PREX2: variants seen among roughly 807,000 people sequenced by gnomAD.
The protein encoded by PREX2 is phosphatidylinositol-3,4,5-trisphosphate dependent Rac exchange factor 2.
Under a neutral mutation model 203.2 loss-of-function variants are expected in PREX2, and 107 were observed. That is an observed-to-expected ratio of 0.53 (90% CI 0.45 to 0.62). The LOEUF (loss-of-function observed/expected upper bound fraction) is 0.62. Among genes scored for constraint, PREX2 ranks in the 20% least tolerant of loss-of-function variants. The pLI is 0.00. For synonymous variants in PREX2, 672 were observed against 663.6 expected, an observed-to-expected ratio of 1.01 and a Z score of -0.19; for missense variants, 1,777 against 1,955.9, an observed-to-expected ratio of 0.91 and a Z score of 1.72.
At chr8:68,108,823 A>G (rs1810472564) in intron 24 of PREX2, among the ~76,000 whole-genome samples, 1 of 152,220 alleles carries the variant, frequency 6.6e-6, no homozygotes, top group African/African-American at 2.4e-5. Flanking sequence ...TTAACTGGAT[A>G]AAGAAAATGG....
chr8:68,115,545 T>C (rs1225405350), intron 25 of PREX2, among the ~76,000 whole-genome samples: 2 of 152,232 alleles, frequency 1.3e-5, no homozygotes, highest in African/African-American at 2.4e-5. Flanking sequence ...AGCTTTCTGG[T>C]CTAAATTGTA....
intron 34 of PREX2, among the ~76,000 whole-genome samples, chr8:68,156,388 C>T (rs910486524): frequency 6.6e-6 from 1 of 152,160 alleles, no homozygotes; most frequent in Non-Finnish European, 1.5e-5. Flanking sequence ...ATGCACAGTT[C>T]TGCCTCTCAT....
chr8:68,040,033 G>GA (rs144919819), intron 7 of PREX2, among the ~76,000 whole-genome samples: 3,078 of 152,186 alleles, frequency 0.02, 92 homozygotes, highest in African/African-American at 0.07. Flanking sequence ...TTGTTTGTTT[G>GA]TTTTGTTTTG....
Position 68,134,224 on chromosome 8 carries a change from T to C in PREX2, c.3932T>C (p.Ile1311Thr). 6.2e-7 allele frequency: 1 copy of C among 1,614,146 alleles called. No homozygotes were observed. The highest frequency in any genetic ancestry group is 8.5e-7 in the Non-Finnish European group (1 of 1,179,998). Reference sequence around the variant, plus strand: ...GCCAGCAGGAGGTGGCTGGACCAGATAGCGAATGCAGGTGTTCTTTTTCAC... The same window carrying C: ...GCCAGCAGGAGGTGGCTGGACCAGACAGCGAATGCAGGTGTTCTTTTTCAC... The part of the protein sequence containing the change: ...WEASRRWLDQ[I>T]ANAGVLFHFQ... Residue 1311 changes from isoleucine to threonine, a missense_variant, in exon 32 of 40, where the codon ATA (isoleucine) becomes ACA (threonine). Transcript: ENST00000288368.
rs555477979 is a variant in PREX2, at chr8:68,102,135, T to A, written c.2715+2292T>A. ...ATGTCACCCAATTATGGAAAGCTCT[T>A]TTATGTACATTATTGTTAGTTGAGT... On this transcript the variant is annotated intron_variant, in intron 23 of 39. Transcript: ENST00000288368. Among the ~76,000 whole-genome samples, 6 of 152,230 alleles carry A rather than the reference T, an allele frequency of 3.9e-5. No individual in the cohort carries two copies. The East Asian group carries it at 9.7e-4, about 24-fold the overall frequency.
At chr8:67,958,541 G>A (rs1425436070) in intron 1 of PREX2, among the ~76,000 whole-genome samples, 1 of 152,192 alleles carries the variant, frequency 6.6e-6, no homozygotes, top group Non-Finnish European at 1.5e-5. Context: ...TGACAAGGTT[G>A]AGGAACAAAG....
At chr8:67,989,672 C>T (rs1276509568) in intron 1 of PREX2, among the ~76,000 whole-genome samples, 2 of 152,110 alleles carry the variant, frequency 1.3e-5, no homozygotes, top group South Asian at 2.1e-4. Flanking sequence ...CTCAGTATTA[C>T]GTAAAAATAG....
chr8:68,055,993 G>A lies in PREX2; in HGVS notation c.1238+19G>A. On this transcript the variant is annotated intron_variant, in intron 10 of 39. Transcript: ENST00000288368. ...TTGGAAGGTAGGGTTGGGAGTTTGGGTGCATGACTTTCTTTTACATTCTCA... is the reference window on the plus strand; with the variant it reads ...TTGGAAGGTAGGGTTGGGAGTTTGGATGCATGACTTTCTTTTACATTCTCA... The A allele has an allele frequency of 6.3e-7, 1 of 1,589,614 alleles. No individual in the cohort carries two copies. Among genetic ancestry groups the A allele is most frequent in the South Asian group, 1.2e-5 (1 of 86,576 alleles).
At chr8:68,155,811 C>T (rs554635262) in intron 34 of PREX2, among the ~76,000 whole-genome samples, 51 of 151,806 alleles carry the variant, frequency 3.4e-4, no homozygotes, top group African/African-American at 1.2e-3. Flanking sequence ...TTAAATGATA[C>T]CTCATAAGGG....
intron 9 of PREX2, among the ~76,000 whole-genome samples, 188 bp downstream of exon 9, chr8:68,053,434 C>T (rs73267968): frequency 0.09 from 13,665 of 152,066 alleles, 1,934 homozygotes; most frequent in African/African-American, 0.3. Context: ...TACTATGTGA[C>T]GTGAGCCTCA....
chr8:68,072,498 T>G lies in PREX2; in HGVS notation c.1497T>G (p.Asp499Glu). 6.4e-7 allele frequency: 1 copy of G among 1,565,486 alleles called. No homozygotes were observed. The highest frequency in any genetic ancestry group is 1.1e-5 in the South Asian group (1 of 89,136). Residue 499 changes from aspartate (D) to glutamate (E), a missense_variant, in exon 14 of 40, where the codon GAT becomes GAG. By Grantham distance (45) the Asp-to-Glu change is conservative. Transcript: ENST00000288368. ...LHSLFTPVIR[D>E]KDYHLRTYKS... is the part of the protein sequence containing the mutation. Reference sequence around the variant, plus strand: ...GTTTTTATTTTTTCCTTTATAGAGATAAAGATTACCATTTAAGGACCTACA... The same window carrying G: ...GTTTTTATTTTTTCCTTTATAGAGAGAAAGATTACCATTTAAGGACCTACA...
intron 8 of PREX2, among the ~76,000 whole-genome samples, chr8:68,047,468 T>TA (rs1808386371): frequency 2.9e-5 from 1 of 35,048 alleles, no homozygotes; most frequent in African/African-American, 1.3e-4. Flanking sequence ...AATGGATGAA[T>TA]TTATATATAT....
At chr8:68,093,118 CA>C (rs1179084948) in intron 20 of PREX2, among the ~76,000 whole-genome samples, 2 of 152,062 alleles carry the variant, frequency 1.3e-5, no homozygotes, top group Non-Finnish European at 2.9e-5. Flanking sequence ...AGGCCAGGCG[CA>C]GTAGCTCCTG....
chr8:68,102,698 GC>G (rs1202267049), intron 23 of PREX2: 1 of 358,250 alleles, frequency 2.8e-6, no homozygotes, highest in Non-Finnish European at 5.5e-6. Context: ...TCTCAAAGAT[GC>G]TGGCTTTACC....
At chr8:68,187,357 A>G (rs28547350) in intron 35 of PREX2, among the ~76,000 whole-genome samples, 146 of 152,222 alleles carry the variant, frequency 9.6e-4, no homozygotes, top group Middle Eastern at 3.4e-3. Flanking sequence ...ATTTTAGATT[A>G]CCTCCACGGA....
chr8:67,968,140 C>T (rs34148486), intron 1 of PREX2, among the ~76,000 whole-genome samples: 22,828 of 151,646 alleles, frequency 0.15, 1,817 homozygotes, highest in Middle Eastern at 0.18. Context: ...TCTCTGATTG[C>T]CCTATAGAAA....
intron 1 of PREX2, among the ~76,000 whole-genome samples, chr8:67,980,222 G>A (rs1806226989): frequency 6.6e-6 from 1 of 152,186 alleles, no homozygotes; most frequent in African/African-American, 2.4e-5. Context: ...GTAAAGAGGA[G>A]AGGGGAAGAG....
chr8:68,001,694 T>G (rs1046033306), intron 1 of PREX2, among the ~76,000 whole-genome samples: 6 of 152,138 alleles, frequency 3.9e-5, no homozygotes, highest in Non-Finnish European at 5.9e-5. Flanking sequence ...GGAATCAACC[T>G]AAATGCCCAT....
At chr8:68,098,938 G>GTATATA (rs71253061) in intron 22 of PREX2, among the ~76,000 whole-genome samples, 2,916 of 109,124 alleles carry the variant, frequency 0.027, 72 homozygotes, top group East Asian at 0.032. Context: ...ATATATATGT[G>GTATATA]TATATATATA....
Sources: gnomAD v4.1 joint callset for allele counts (sites outside exome capture counted in the v4.1 genomes callset) on GRCh38, gnomAD v4.1.1 for gene constraint, MANE v1.5 for transcripts, NCBI Gene and HGNC (gene_info 2026-07-23, HGNC 2026-07-21) for gene names.